The following PTPRT variants were observed in gnomAD, a reference collection of about 807,000 sequenced individuals.
The protein encoded by PTPRT is receptor-type tyrosine-protein phosphatase T.
A neutral mutation model predicts 176.8 loss-of-function variants in PTPRT; 56 were observed. The observed-to-expected ratio is 0.32, with a 90% CI of 0.26 to 0.40. The LOEUF (loss-of-function observed/expected upper bound fraction) is 0.40, where lower values mean the gene tolerates loss of function less well. PTPRT is among the 10% of genes least tolerant of loss of function. PTPRT has a pLI of 1.00. For missense variants in PTPRT, 1,540 were observed against 1,908.2 expected (o/e 0.81, Z 3.60); for synonymous variants, 783 against 739.0 (o/e 1.06, Z -0.96).
chr20:42,264,362 T>C (rs995967914), intron 13 of PTPRT, among the ~76,000 whole-genome samples: 2 of 152,218 alleles, frequency 1.3e-5, no homozygotes, highest in African/African-American at 4.8e-5. Flanking sequence ...AATAGCCTTG[T>C]GTCTGTCAAG....
intron 1 of PTPRT, among the ~76,000 whole-genome samples, chr20:43,090,470 G>T (rs545234259): frequency 1.3e-5 from 2 of 151,950 alleles, no homozygotes; most frequent in African/African-American, 2.4e-5. Flanking sequence ...GGGTTTCACC[G>T]TTTTAGCCAG....
At chr20:42,081,163 T>G (rs1370436273) in intron 30 of PTPRT, among the ~76,000 whole-genome samples, 1 of 152,168 alleles carries the variant, frequency 6.6e-6, no homozygotes, top group Non-Finnish European at 1.5e-5. Flanking sequence ...ATTCCCTTTC[T>G]TTTTTACTGT....
At chr20:42,821,423 G>C (rs931808578) in intron 2 of PTPRT, among the ~76,000 whole-genome samples, 1 of 152,134 alleles carries the variant, frequency 6.6e-6, no homozygotes, top group African/African-American at 2.4e-5. Context: ...AAAATGATAA[G>C]AGCTATTTAT....
At chr20:42,351,176 T>C (rs7509033) in intron 10 of PTPRT, among the ~76,000 whole-genome samples, 2,005 of 152,070 alleles carry the variant, frequency 0.013, 36 homozygotes, top group African/African-American at 0.045. Context: ...AATGCGACTA[T>C]ATCTATTCCT....
chr20:42,462,692 G>A (rs980813369), intron 8 of PTPRT, among the ~76,000 whole-genome samples: 2 of 152,096 alleles, frequency 1.3e-5, no homozygotes, highest in Non-Finnish European at 2.9e-5. Flanking sequence ...TTTTGCCCAG[G>A]GCAAACGGAA....
chr20:42,366,193 G>A (rs934668565), intron 9 of PTPRT, among the ~76,000 whole-genome samples: 7 of 152,188 alleles, frequency 4.6e-5, no homozygotes, highest in Non-Finnish European at 1.0e-4. Flanking sequence ...TGAAGGTCCA[G>A]AGGCCACCCT....
At chr20:42,610,183 TG>T (rs1464060196) in intron 7 of PTPRT, among the ~76,000 whole-genome samples, 2 of 151,970 alleles carry the variant, frequency 1.3e-5, no homozygotes, top group Non-Finnish European at 1.5e-5. Context: ...TCTGTAGAAA[TG>T]GGGGGAAAAA....
At chr20:42,110,843 T>TAAAGA (rs568820792) in intron 22 of PTPRT, among the ~76,000 whole-genome samples, 7 of 152,284 alleles carry the variant, frequency 4.6e-5, no homozygotes, top group African/African-American at 1.7e-4. Flanking sequence ...AGTACGGATT[T>TAAAGA]AAAGAAATGT....
intron 1 of PTPRT, among the ~76,000 whole-genome samples, chr20:42,954,075 C>T (rs206656): frequency 2.0e-5 from 3 of 152,020 alleles, no homozygotes; most frequent in East Asian, 1.9e-4. Flanking sequence ...GGATGGCTGA[C>T]CCTGGTATAG....
At chr20:42,459,488 T>C (rs1049756799) in intron 8 of PTPRT, among the ~76,000 whole-genome samples, 3 of 152,168 alleles carry the variant, frequency 2.0e-5, no homozygotes, top group Admixed American at 6.5e-5. Flanking sequence ...ATTTAGAGGC[T>C]GCTGCAATAA....
intron 7 of PTPRT, among the ~76,000 whole-genome samples, chr20:42,546,868 C>T (rs991034600): frequency 6.6e-6 from 1 of 152,100 alleles, no homozygotes; most frequent in Non-Finnish European, 1.5e-5. Context: ...AGAAAGGCAA[C>T]GTTTGTGCAT....
Position 43,189,839 on chromosome 20 carries a change from G to C in PTPRT, c.-106C>G. 4.0e-6 allele frequency: 2 copies of C among 498,552 alleles called. No individual in the cohort carries two copies. The highest frequency in any genetic ancestry group is 2.6e-6 in the Non-Finnish European group (1 of 385,082). 30.9% of individuals were successfully genotyped at this position (498,552 alleles called of 1,614,324 possible). A position where few individuals can be genotyped will look rare whatever the true frequency, so the allele number is the denominator to read the frequency against. On this transcript the variant is annotated 5_prime_UTR_variant, in exon 1 of 31. Coordinates refer to ENST00000373187, the MANE Select transcript of PTPRT (RefSeq NM_007050.6). The surrounding 1 kb of genome is among the most constrained non-coding windows in gnomAD (Gnocchi z 5.0). ...GCCGGCGCGGCCGCTGGCTGTGCGC[G>C]CGGCTGGCTCCGCTCGGGCTCCCGG...
intron 1 of PTPRT, among the ~76,000 whole-genome samples, chr20:43,023,365 G>C (rs1411124184): frequency 6.6e-6 from 1 of 152,210 alleles, no homozygotes; most frequent in Non-Finnish European, 1.5e-5. Context: ...CTGGCTGTGT[G>C]CAGGTCATAA....
At chr20:42,278,663 G>C (rs1309748322) in intron 13 of PTPRT, among the ~76,000 whole-genome samples, 1 of 152,098 alleles carries the variant, frequency 6.6e-6, no homozygotes, top group South Asian at 2.1e-4. Flanking sequence ...GAACAACTAG[G>C]TCAGAAACAA....
intron 1 of PTPRT, among the ~76,000 whole-genome samples, chr20:43,091,057 C>T (rs925865157): frequency 2.6e-5 from 4 of 152,072 alleles, no homozygotes; most frequent in Non-Finnish European, 4.4e-5. Flanking sequence ...ATGGTGAAGC[C>T]CCATCTCTAC....
intron 4 of PTPRT, among the ~76,000 whole-genome samples, chr20:42,777,253 C>A (rs2077151096): frequency 6.6e-6 from 1 of 152,174 alleles, no homozygotes; most frequent in South Asian, 2.1e-4. Flanking sequence ...AAAGTCCAGG[C>A]TTTCCTGCCC....
chr20:42,266,143 T>C (rs927510190), intron 13 of PTPRT, among the ~76,000 whole-genome samples: 3 of 152,176 alleles, frequency 2.0e-5, no homozygotes, highest in East Asian at 1.9e-4. Flanking sequence ...GACTCAACTG[T>C]ACTATTTCAC....
chr20:43,077,165 GA>G lies in PTPRT; in HGVS notation c.88+112480del, dbSNP rs567122575. Among the ~76,000 whole-genome samples, 17 of 152,214 alleles carry G rather than the reference GA, an allele frequency of 1.1e-4. No homozygotes were observed. The South Asian group carries it at 3.3e-3, about 30-fold the overall frequency. ...TGATGAATAAACAGATTTGGGTCAA[GA>G]AAAAAAGAGTGTAAGATTGTGGCAA... On this transcript the variant is annotated intron_variant, in intron 1 of 30. Transcript: ENST00000373187.
chr20:42,446,804 T>G (rs1001657761), intron 9 of PTPRT, among the ~76,000 whole-genome samples: 1 of 152,098 alleles, frequency 6.6e-6, no homozygotes, highest in Admixed American at 6.5e-5. Flanking sequence ...GGAAGAAAGC[T>G]TCTCCCAAGC....
Sources: allele counts gnomAD v4.1 joint callset (sites outside exome capture counted in the v4.1 genomes callset), GRCh38; gene constraint gnomAD v4.1.1; non-coding constraint Gnocchi (gnomAD v3.1); transcripts MANE v1.5; gene names NCBI Gene and HGNC (gene_info 2026-07-23, HGNC 2026-07-21).